PLCL1: variants seen among roughly 807,000 people sequenced by gnomAD.
PLCL1 encodes phospholipase C like 1 (inactive).
A neutral mutation model predicts 84.4 loss-of-function variants in PLCL1; 41 were observed. The observed-to-expected ratio is 0.49, with a 90% CI of 0.38 to 0.63. PLCL1 has a LOEUF of 0.63. PLCL1 is among the 30% of genes least tolerant of loss of function. The pLI is 0.00. For synonymous variants in PLCL1, 490 were observed against 488.3 expected (o/e 1.00, Z -0.05); for missense variants, 1,206 against 1,367.8 (o/e 0.88, Z 1.87).
chr2:197,951,612 T>G (rs1689391021), intron 1 of PLCL1, among the ~76,000 whole-genome samples: 1 of 152,168 alleles, frequency 6.6e-6, no homozygotes, highest in Non-Finnish European at 1.5e-5. Context: ...GAGTGTTCAA[T>G]CCCTTAATAA....
chr2:198,037,562 T>C (rs1467137291), intron 1 of PLCL1, among the ~76,000 whole-genome samples: 1 of 152,206 alleles, frequency 6.6e-6, no homozygotes, highest in Non-Finnish European at 1.5e-5. Context: ...GAAGCTTCCT[T>C]CAACATCCAC....
intron 1 of PLCL1, among the ~76,000 whole-genome samples, chr2:197,969,224 G>A (rs1238012586): frequency 6.6e-6 from 1 of 152,154 alleles, no homozygotes. Flanking sequence ...AAAAAGTTTG[G>A]CGACCACTGA....
At chr2:198,049,733 C>A (rs1257910972) in intron 1 of PLCL1, among the ~76,000 whole-genome samples, 3 of 152,050 alleles carry the variant, frequency 2.0e-5, no homozygotes, top group African/African-American at 7.2e-5. Flanking sequence ...AACTTGGCAC[C>A]TCCAGCTTAC....
chr2:198,110,997 T>G (rs984870672), intron 5 of PLCL1, among the ~76,000 whole-genome samples: 4 of 151,854 alleles, frequency 2.6e-5, no homozygotes, highest in Non-Finnish European at 4.4e-5. Flanking sequence ...AATATTGATA[T>G]TATTATACTA....
intron 1 of PLCL1, among the ~76,000 whole-genome samples, chr2:197,832,211 C>T (rs1238354451): frequency 6.6e-6 from 1 of 151,976 alleles, no homozygotes; most frequent in Non-Finnish European, 1.5e-5. Context: ...TCAATGAATC[C>T]AAGAACTGTT....
At chr2:197,852,204 C>A (rs1403202160) in intron 1 of PLCL1, among the ~76,000 whole-genome samples, 1 of 152,040 alleles carries the variant, frequency 6.6e-6, no homozygotes, top group Non-Finnish European at 1.5e-5. Flanking sequence ...ATTCCTGGCA[C>A]CTCCTGTTGC....
chr2:198,055,527 T>A (rs539255554), intron 1 of PLCL1, among the ~76,000 whole-genome samples: 1 of 140,422 alleles, frequency 7.1e-6, no homozygotes, highest in African/African-American at 3.2e-5. Flanking sequence ...TTTTGTTTTT[T>A]TTTTTTCAAC....
At chr2:197,981,666 G>A (rs1017782097) in intron 1 of PLCL1, among the ~76,000 whole-genome samples, 2 of 152,172 alleles carry the variant, frequency 1.3e-5, no homozygotes, top group Non-Finnish European at 2.9e-5. Context: ...AGTTCATCAA[G>A]GGCCCGAAAT....
intron 1 of PLCL1, among the ~76,000 whole-genome samples, chr2:197,984,279 A>C (rs1322074238): frequency 2.0e-5 from 3 of 152,206 alleles, no homozygotes; most frequent in African/African-American, 7.2e-5. Flanking sequence ...TTACTTTACA[A>C]ATTTTCATTT....
At position 198,017,857 on chromosome 2, in the gene PLCL1, A is replaced by G. The variant is rs140675829; in HGVS notation, c.241-65901A>G. Among the ~76,000 whole-genome samples, 507 of 152,318 alleles carry G rather than the reference A, an allele frequency of 3.3e-3. 7 individuals are homozygous for G. The highest frequency in any genetic ancestry group is 0.012 in the African/African-American group (490 of 41,564). ...GTAGACATTTAAGTATATATTATATACTGTTCTTGATTGTGTGGGAATTTC... is the reference window on the plus strand; with the variant it reads ...GTAGACATTTAAGTATATATTATATGCTGTTCTTGATTGTGTGGGAATTTC... On this transcript the variant is annotated intron_variant, in intron 1 of 5. Transcript: ENST00000428675.
At chr2:197,983,190 CTTTTCTTTTCTTTTTTTTTTTTTTTTT>C (rs1690149368) in intron 1 of PLCL1, among the ~76,000 whole-genome samples, 2 of 66,070 alleles carry the variant, frequency 3.0e-5, no homozygotes, top group African/African-American at 5.3e-5. Context: ...TTTTCTTTTT[CTTTTCTTTTCTTTTTTTTTTTTTTTTT>C]TTTTTTTTTT....
At chr2:198,013,536 A>T (rs891794149) in intron 1 of PLCL1, among the ~76,000 whole-genome samples, 3 of 152,104 alleles carry the variant, frequency 2.0e-5, no homozygotes, top group Non-Finnish European at 4.4e-5. Context: ...ATATTATACT[A>T]GAAAGTGGTT....
chr2:197,986,308 A>G (rs777731472), intron 1 of PLCL1, among the ~76,000 whole-genome samples: 9 of 152,160 alleles, frequency 5.9e-5, no homozygotes, highest in Non-Finnish European at 4.4e-5. Context: ...GTGTGCTGCA[A>G]ATGACTGAAG....
intron 1 of PLCL1, among the ~76,000 whole-genome samples, chr2:197,940,260 T>G (rs1406110054): frequency 1.3e-5 from 2 of 152,238 alleles, no homozygotes; most frequent in Admixed American, 1.3e-4. Context: ...TCTTTGTGAC[T>G]TATAGTCCTT....
chr2:198,133,059 T>C (rs559905464), intron 5 of PLCL1, among the ~76,000 whole-genome samples: 2 of 152,048 alleles, frequency 1.3e-5, no homozygotes, highest in South Asian at 4.2e-4. Context: ...CTAGCCAGTT[T>C]TCCCAGCACC....
chr2:198,084,330 C>G lies in PLCL1; in HGVS notation c.813C>G (p.Leu271=), dbSNP rs746983338. ...EDTSVELIKQ[L]NPTLKEAKIR... is the part of the protein sequence containing the mutation. ...CCTCTGTAGAGTTAATAAAACAACT[C>G]AACCCTACTCTGAAGGAAGCCAAGA... Residue 271 remains leucine, a synonymous_variant, in exon 2 of 6, where the codon CTC becomes CTG. Coordinates refer to ENST00000428675, the MANE Select transcript of PLCL1 (RefSeq NM_006226.4). 1.9e-6 allele frequency: 3 copies of G among 1,613,928 alleles called. No individual in the cohort carries two copies. The highest frequency in any genetic ancestry group is 1.1e-5 in the South Asian group (1 of 91,066).
chr2:198,088,730 T>C (rs1284469964), intron 2 of PLCL1, 128 bp from the exon 3 acceptor site: 4 of 727,172 alleles, frequency 5.5e-6, no homozygotes, highest in South Asian at 1.6e-5. Context: ...TTGAGCAAGA[T>C]GAAGTATAGT....
chr2:197,841,493 C>A (rs1284066816), intron 1 of PLCL1, among the ~76,000 whole-genome samples: 1 of 152,206 alleles, frequency 6.6e-6, no homozygotes, highest in East Asian at 1.9e-4. Flanking sequence ...TGGCTTCTTT[C>A]ACTTAGCAAT....
intron 1 of PLCL1, among the ~76,000 whole-genome samples, chr2:197,940,596 A>G (rs1230278908): frequency 6.6e-6 from 1 of 152,228 alleles, no homozygotes; most frequent in African/African-American, 2.4e-5. Context: ...GACAGAGATT[A>G]TGTTATAAAG....
Sources: gnomAD v4.1 joint callset for allele counts (sites outside exome capture counted in the v4.1 genomes callset) on GRCh38, gnomAD v4.1.1 for gene constraint, MANE v1.5 for transcripts, NCBI Gene and HGNC (gene_info 2026-07-23, HGNC 2026-07-21) for gene names.